The following UNC5D variants were observed in gnomAD, a reference collection of about 807,000 sequenced individuals.
UNC5D encodes the protein netrin receptor UNC5D.
A neutral mutation model predicts 105.4 loss-of-function variants in UNC5D; 39 were observed. The observed-to-expected ratio is 0.37, with a 90% CI of 0.29 to 0.48. The LOEUF (loss-of-function observed/expected upper bound fraction) is 0.48. Ranked by LOEUF, UNC5D falls within the 20% of genes least tolerant of loss-of-function variation. UNC5D has a pLI of 0.98. For missense variants in UNC5D, 991 were observed against 1,202.4 expected (o/e 0.82, Z 2.60); for synonymous variants, 452 against 450.4 (o/e 1.00, Z -0.04).
intron 1 of UNC5D, among the ~76,000 whole-genome samples, chr8:35,293,718 T>C (rs775290439): frequency 3.3e-5 from 5 of 152,250 alleles, no homozygotes; most frequent in Non-Finnish European, 7.3e-5. Flanking sequence ...CAGGATTTGA[T>C]GGCGTTCATA....
chr8:35,522,571 G>A (rs1208810719), intron 1 of UNC5D, among the ~76,000 whole-genome samples: 2 of 152,182 alleles, frequency 1.3e-5, no homozygotes, highest in African/African-American at 4.8e-5. Flanking sequence ...TTGGGTTTAA[G>A]TGTCAGATTT....
chr8:35,411,278 G>A (rs1320516208), intron 1 of UNC5D, among the ~76,000 whole-genome samples: 1 of 151,968 alleles, frequency 6.6e-6, no homozygotes, highest in East Asian at 1.9e-4. Context: ...AAACCCTCCT[G>A]AGATTTGCAA....
At chr8:35,376,045 GT>G (rs1206871762) in intron 1 of UNC5D, among the ~76,000 whole-genome samples, 1 of 152,102 alleles carries the variant, frequency 6.6e-6, no homozygotes, top group Non-Finnish European at 1.5e-5. Context: ...TGTATTATGT[GT>G]TTTTTGATCA....
chr8:35,746,230 G>A (rs1830000146), intron 11 of UNC5D, among the ~76,000 whole-genome samples: 1 of 152,252 alleles, frequency 6.6e-6, no homozygotes, highest in South Asian at 2.1e-4. Flanking sequence ...CCATCACCTT[G>A]ATTGACTCCT....
chr8:35,719,478 G>T (rs553862388), intron 8 of UNC5D, among the ~76,000 whole-genome samples: 5 of 152,288 alleles, frequency 3.3e-5, no homozygotes, highest in Non-Finnish European at 7.3e-5. Context: ...GTAGAAGAAT[G>T]TGAGCTGTGG....
chr8:35,263,684 C>G (rs1397615441), intron 1 of UNC5D, among the ~76,000 whole-genome samples: 1 of 152,114 alleles, frequency 6.6e-6, no homozygotes, highest in Non-Finnish European at 1.5e-5. Flanking sequence ...GAATAGTAAG[C>G]CTTCATAATA....
At chr8:35,309,637 T>C (rs1208401859) in intron 1 of UNC5D, among the ~76,000 whole-genome samples, 2 of 152,228 alleles carry the variant, frequency 1.3e-5, no homozygotes, top group African/African-American at 4.8e-5. Context: ...TGTTCTAGGC[T>C]GAAATACCAG....
chr8:35,348,922 C>A (rs1812004092), intron 1 of UNC5D, among the ~76,000 whole-genome samples: 1 of 151,804 alleles, frequency 6.6e-6, no homozygotes, highest in South Asian at 2.1e-4. Context: ...AACTTTATTA[C>A]ATTTAGAAAC....
intron 15 of UNC5D, among the ~76,000 whole-genome samples, chr8:35,773,573 A>C (rs1020086215): frequency 6.6e-6 from 1 of 152,152 alleles, no homozygotes; most frequent in African/African-American, 2.4e-5. Flanking sequence ...CCCATTCACC[A>C]TTAGTTATGA....
At chr8:35,756,809 A>G (rs938447579) in intron 13 of UNC5D, among the ~76,000 whole-genome samples, 10 of 152,196 alleles carry the variant, frequency 6.6e-5, no homozygotes, top group African/African-American at 2.4e-4. Flanking sequence ...AAAATAGTCT[A>G]GTACTACACT....
Position 35,613,991 on chromosome 8 carries a change from C to T in UNC5D, c.570+18334C>T, listed in dbSNP as rs1299020005. 5.3e-5 allele frequency among the ~76,000 whole-genome samples: 8 copies of T among 152,308 alleles called. No homozygotes were observed. The South Asian group carries it at 1.4e-3, about 28-fold the overall frequency. ...TAAAGACTGTGTGTGGGGTGTTAAT[C>T]TTTCTTTGTCTGTAGAATAAAGAGG... On this transcript the variant is annotated intron_variant, in intron 4 of 16. Transcript: ENST00000404895.
intron 1 of UNC5D, among the ~76,000 whole-genome samples, chr8:35,445,892 A>G (rs1005594439): frequency 1.3e-5 from 2 of 152,152 alleles, no homozygotes; most frequent in Non-Finnish European, 2.9e-5. Flanking sequence ...AAAAATATAT[A>G]AAAGTTTAAA....
chr8:35,477,948 A>ATTC, intron 1 of UNC5D, among the ~76,000 whole-genome samples: 1 of 152,156 alleles, frequency 6.6e-6, no homozygotes, highest in Non-Finnish European at 1.5e-5. Context: ...ATAAAAGTAA[A>ATTC]TAGAATGGAT....
chr8:35,238,344 C>A (rs1802597550), intron 1 of UNC5D, among the ~76,000 whole-genome samples: 1 of 152,018 alleles, frequency 6.6e-6, no homozygotes, highest in South Asian at 2.1e-4. Flanking sequence ...ACCCTTGGGA[C>A]AAGGAAATGT....
intron 1 of UNC5D, among the ~76,000 whole-genome samples, chr8:35,288,035 T>G (rs2950908): frequency 0.82 from 124,544 of 151,904 alleles, 51,526 homozygotes; most frequent in East Asian, 1. Context: ...GCAAAAGGCT[T>G]AGACAGCATA....
chr8:35,314,174 T>C (rs981552702), intron 1 of UNC5D, among the ~76,000 whole-genome samples: 1 of 152,196 alleles, frequency 6.6e-6, no homozygotes, highest in Non-Finnish European at 1.5e-5. Flanking sequence ...AAGCAAGCGA[T>C]TCCAAACTGC....
At chr8:35,711,042 C>G (rs368638705) in intron 8 of UNC5D, among the ~76,000 whole-genome samples, 6 of 140,026 alleles carry the variant, frequency 4.3e-5, no homozygotes, top group East Asian at 2.2e-4. Context: ...GGGTTCACGC[C>G]ATTCTCCTGC....
chr8:35,410,301 AT>A, intron 1 of UNC5D, among the ~76,000 whole-genome samples: 1 of 151,984 alleles, frequency 6.6e-6, no homozygotes, highest in Non-Finnish European at 1.5e-5. Flanking sequence ...GAATGTACAC[AT>A]TACCTTAAAA....
intron 10 of UNC5D, chr8:35,726,752 T>G: frequency 1.5e-6 from 1 of 657,678 alleles, no homozygotes; most frequent in Non-Finnish European, 2.5e-6. Flanking sequence ...CTCCCTTTGA[T>G]TCCCTGTTAG....
Sources: allele counts gnomAD v4.1 joint callset (sites outside exome capture counted in the v4.1 genomes callset), GRCh38; gene constraint gnomAD v4.1.1; transcripts MANE v1.5; gene names NCBI Gene and HGNC (gene_info 2026-07-23, HGNC 2026-07-21).